The following RFC3 variants were observed in gnomAD, a reference collection of about 807,000 sequenced individuals.
RFC3 encodes replication factor C subunit 3.
Under a neutral mutation model 45.1 loss-of-function variants are expected in RFC3, and 41 were observed. The ratio of observed to expected loss-of-function variants is 0.91; its 90% confidence interval spans 0.71 to 1.18. The LOEUF (loss-of-function observed/expected upper bound fraction) is 1.18. Ranked by LOEUF, RFC3 falls within the 50% of genes most tolerant of loss-of-function variation. The probability of loss-of-function intolerance (pLI) is 0.00; values close to 1 mark genes in which losing one functional copy is unlikely to be tolerated. For synonymous variants in RFC3, 149 were observed against 144.0 expected (o/e 1.03, Z -0.25); for missense variants, 423 against 428.1 (o/e 0.99, Z 0.10).
Position 33,902,601 on chromosome 13 carries a change from T to C in RFC3, c.880-63486T>C, listed in dbSNP as rs571966379. Among the ~76,000 whole-genome samples, 3 of 152,092 alleles carry C rather than the reference T, an allele frequency of 2.0e-5. 1 individual carries two copies. The South Asian group carries it at 6.2e-4, about 32-fold the overall frequency. ...TCAGATAGTTTAGTTGCATATAATG[T>C]TAAGCCTATCAGTTATACTTCCCAA... On this transcript the variant is annotated intron_variant, in intron 8 of 8. Coordinates refer to the RFC3 transcript ENST00000434425.
chr13:33,859,513 G>A (rs922017469), intron 8 of RFC3, among the ~76,000 whole-genome samples: 14 of 152,136 alleles, frequency 9.2e-5, no homozygotes, highest in African/African-American at 3.4e-4. Context: ...ACTATGTATA[G>A]AGATGACAAG....
At chr13:33,848,610 A>G (rs1267203309) in intron 8 of RFC3, 1 of 152,058 alleles carries the variant, frequency 6.6e-6, no homozygotes, top group Non-Finnish European at 1.5e-5. Context: ...CTCCATTTTG[A>G]CAGTCATTTG....
At chr13:33,827,368 AC>A (rs1309155543) in intron 4 of RFC3, among the ~76,000 whole-genome samples, 2 of 152,208 alleles carry the variant, frequency 1.3e-5, no homozygotes, top group Non-Finnish European at 2.9e-5. Context: ...TTTTCTGCCT[AC>A]CAAGTACTGC....
chr13:33,936,130 C>T (rs1298374606), intron 8 of RFC3, among the ~76,000 whole-genome samples: 1 of 152,102 alleles, frequency 6.6e-6, no homozygotes, highest in Middle Eastern at 3.2e-3. Context: ...AAGCCTTGGT[C>T]TTATGCATAC....
intron 4 of RFC3, chr13:33,829,510 G>A: frequency 7.8e-6 from 2 of 257,270 alleles, no homozygotes; most frequent in South Asian, 1.1e-4. Context: ...GGTCTTGTTT[G>A]ATTATAGATT....
chr13:33,851,592 C>T (rs1373973090), intron 8 of RFC3, among the ~76,000 whole-genome samples: 2 of 151,986 alleles, frequency 1.3e-5, no homozygotes, highest in African/African-American at 4.8e-5. Flanking sequence ...TTGTGTTGAG[C>T]AGGCTGTTGA....
At chr13:33,912,131 A>G (rs184577006) in intron 8 of RFC3, among the ~76,000 whole-genome samples, 140 of 152,226 alleles carry the variant, frequency 9.2e-4, no homozygotes, top group Admixed American at 2.9e-3. Flanking sequence ...GGATCTGAAG[A>G]ATTAATGATT....
At chr13:33,910,649 A>T (rs906463844) in intron 8 of RFC3, among the ~76,000 whole-genome samples, 1 of 152,150 alleles carries the variant, frequency 6.6e-6, no homozygotes, top group Admixed American at 6.6e-5. Context: ...AAAGAAGAAC[A>T]GCACTTAAAA....
chr13:33,946,624 G>A (rs1384372554), intron 8 of RFC3, among the ~76,000 whole-genome samples: 3 of 151,974 alleles, frequency 2.0e-5, no homozygotes, highest in East Asian at 1.9e-4. Flanking sequence ...TTATATTTTT[G>A]TAAATCTCTT....
chr13:33,909,097 C>T (rs1393247884), intron 8 of RFC3, among the ~76,000 whole-genome samples: 1 of 152,042 alleles, frequency 6.6e-6, no homozygotes. Flanking sequence ...TAAAATTAAC[C>T]ATCCCAATCT....
At chr13:33,863,128 C>G (rs1265170133) in intron 8 of RFC3, among the ~76,000 whole-genome samples, 5 of 152,132 alleles carry the variant, frequency 3.3e-5, no homozygotes, top group African/African-American at 1.2e-4. Flanking sequence ...GAATGATGTT[C>G]CTTCCAGTCA....
chr13:33,975,634 TG>T, the RFC3 span, among the ~76,000 whole-genome samples: 1 of 152,170 alleles, frequency 6.6e-6, no homozygotes, highest in Non-Finnish European at 1.5e-5. Flanking sequence ...AGCTCACTGA[TG>T]GGCATAGGAG....
chr13:33,819,221 C>G (rs1320644775), intron 1 of RFC3, among the ~76,000 whole-genome samples: 14 of 152,132 alleles, frequency 9.2e-5, no homozygotes, highest in Non-Finnish European at 1.5e-4. Flanking sequence ...AGATCCTCTC[C>G]CCTCTATCCT....
chr13:33,825,287 C>T lies in RFC3; in HGVS notation c.294-502C>T, dbSNP rs193045934. On this transcript the variant is annotated intron_variant, in intron 3 of 8. Transcript: ENST00000380071. ...CTTAAACTCAATTTGCTTATCTCAT[C>T]GCTTTACTGAGTCTCTGAATCAGTT... is the stretch of plus-strand genomic sequence containing the variant. Among the ~76,000 whole-genome samples the T allele has an allele frequency of 4.6e-5, 7 of 152,206 alleles. No individual in the cohort carries two copies. In the East Asian group the frequency reaches 1.2e-3, roughly 25 times the overall value.
chr13:33,843,702 G>A (rs74418999), intron 8 of RFC3, among the ~76,000 whole-genome samples: 162 of 152,240 alleles, frequency 1.1e-3, no homozygotes, highest in Non-Finnish European at 1.9e-3. Context: ...ATGAGAAACT[G>A]GATCCAGCTG....
chr13:33,871,840 GC>G (rs149341890), intron 8 of RFC3, among the ~76,000 whole-genome samples: 9,270 of 152,182 alleles, frequency 0.061, 423 homozygotes, highest in South Asian at 0.15. Flanking sequence ...GAGCAGAAGG[GC>G]CGGTATCCCC....
At chr13:33,904,743 T>A (rs2082661747) in intron 8 of RFC3, among the ~76,000 whole-genome samples, 2 of 152,016 alleles carry the variant, frequency 1.3e-5, no homozygotes, top group African/African-American at 4.8e-5. Context: ...TTCTTCCACA[T>A]TTAACATGCC....
At chr13:33,888,060 C>T (rs1029719389) in intron 8 of RFC3, among the ~76,000 whole-genome samples, 2 of 152,146 alleles carry the variant, frequency 1.3e-5, no homozygotes, top group Non-Finnish European at 2.9e-5. Flanking sequence ...AGTCAGGTAG[C>T]ATGATGCCTC....
intron 8 of RFC3, among the ~76,000 whole-genome samples, chr13:33,941,020 T>C (rs1283325443): frequency 6.6e-6 from 1 of 152,224 alleles, no homozygotes; most frequent in African/African-American, 2.4e-5. Context: ...CAGATGCTTT[T>C]GTGCAGATGA....
Sources: allele counts gnomAD v4.1 joint callset (sites outside exome capture counted in the v4.1 genomes callset), GRCh38; gene constraint gnomAD v4.1.1; transcripts MANE v1.5; gene names NCBI Gene and HGNC (gene_info 2026-07-23, HGNC 2026-07-21).